Variants in WDR59 observed in about 807,000 individuals in gnomAD.
WDR59 encodes the protein WD repeat domain 59.
Under a neutral mutation model 131.2 loss-of-function variants are expected in WDR59, and 100 were observed. The observed-to-expected ratio is 0.76, with a 90% CI of 0.65 to 0.90. The LOEUF (loss-of-function observed/expected upper bound fraction) is 0.90. Ranked by LOEUF, WDR59 falls within the 40% of genes least tolerant of loss-of-function variation. The pLI is 0.00. For synonymous variants in WDR59, 601 were observed against 466.2 expected (o/e 1.29, Z -3.72); for missense variants, 1,203 against 1,262.2 (o/e 0.95, Z 0.71).
chr16:74,923,047 T>C (rs554797710), intron 9 of WDR59, among the ~76,000 whole-genome samples: 2 of 152,338 alleles, frequency 1.3e-5, no homozygotes, highest in East Asian at 1.9e-4. Context: ...CCCACTCTAT[T>C]TGTAGCATTT....
chr16:74,895,623 A>C (rs908957721), intron 18 of WDR59, among the ~76,000 whole-genome samples: 1 of 152,200 alleles, frequency 6.6e-6, no homozygotes. Context: ...CCAAGTCATT[A>C]TTCTGCAATA....
intron 1 of WDR59, among the ~76,000 whole-genome samples, chr16:74,971,152 T>G (rs1220046231): frequency 6.6e-6 from 1 of 152,138 alleles, no homozygotes; most frequent in Admixed American, 6.6e-5. Context: ...TGAGAATATT[T>G]TTGGTGGTTT....
At chr16:74,926,145 C>T (rs530268306) in intron 8 of WDR59, among the ~76,000 whole-genome samples, 61 of 147,586 alleles carry the variant, frequency 4.1e-4, no homozygotes, top group African/African-American at 1.3e-3. Flanking sequence ...CTGCAACCTC[C>T]GCCTCCCAGG....
intron 17 of WDR59, among the ~76,000 whole-genome samples, chr16:74,906,313 C>CATAAAAAAAAAAA (rs1555554986): frequency 3.1e-5 from 1 of 32,460 alleles, no homozygotes; most frequent in Non-Finnish European, 5.3e-5. Flanking sequence ...GACTCCGTCT[C>CATAAAAAAAAAAA]AAAAAAAAAA....
chr16:74,881,649 T>A (rs1462685215), intron 25 of WDR59, among the ~76,000 whole-genome samples: 1 of 151,732 alleles, frequency 6.6e-6, no homozygotes, highest in African/African-American at 2.4e-5. Flanking sequence ...CCCAGGTGGG[T>A]GGATCACAAG....
intron 6 of WDR59, among the ~76,000 whole-genome samples, chr16:74,947,509 C>G (rs1299234780): frequency 6.6e-6 from 1 of 152,070 alleles, no homozygotes; most frequent in Non-Finnish European, 1.5e-5. Context: ...GAGAAGGAGA[C>G]AGACTTAAAA....
At chr16:74,938,016 G>A (rs1218252720) in intron 8 of WDR59, 134 bp downstream of exon 8, 2 of 578,594 alleles carry the variant, frequency 3.5e-6, no homozygotes, top group East Asian at 6.3e-5. Flanking sequence ...TATGTGTTCA[G>A]TTGCCCAAGA....
At position 74,959,527 on chromosome 16, in the gene WDR59, C is replaced by T. The variant is rs1013523884; in HGVS notation, c.105-2917G>A. The T allele has an allele frequency of 8.8e-6, 4 of 453,520 alleles. No individual in the cohort carries two copies. The Admixed American group carries it at 9.5e-5, about 11-fold the overall frequency. 28.1% of individuals were successfully genotyped at this position (453,520 alleles called of 1,614,324 possible). ...ACACTGGAACTCTTAGTGCTGCAGG[C>T]CGAGGCAGAAGCATCGCTTGAGGCC... On this transcript the variant is annotated intron_variant, in intron 2 of 25. Transcript: ENST00000262144.
intron 18 of WDR59, among the ~76,000 whole-genome samples, chr16:74,901,352 G>A (rs1304094662): frequency 6.6e-6 from 1 of 151,778 alleles, no homozygotes; most frequent in Non-Finnish European, 1.5e-5. Context: ...CTCATTTAAA[G>A]CTCTCAGGGG....
intron 8 of WDR59, among the ~76,000 whole-genome samples, chr16:74,932,906 T>G (rs1414362704): frequency 6.6e-6 from 1 of 152,248 alleles, no homozygotes; most frequent in Non-Finnish European, 1.5e-5. Flanking sequence ...TATCTATGAT[T>G]GTAAGAGGAT....
chr16:74,978,516 A>G (rs1301423595), intron 1 of WDR59, among the ~76,000 whole-genome samples: 1 of 152,134 alleles, frequency 6.6e-6, no homozygotes, highest in Non-Finnish European at 1.5e-5. Flanking sequence ...AAAACAAAAC[A>G]AAAATGAAAG....
At chr16:74,929,145 G>A (rs549944502) in intron 8 of WDR59, among the ~76,000 whole-genome samples, 2 of 152,206 alleles carry the variant, frequency 1.3e-5, no homozygotes, top group East Asian at 1.9e-4. Flanking sequence ...TACAATCTCC[G>A]CTCACGGCAA....
At chr16:74,914,642 G>C (rs1966271753) in intron 13 of WDR59, among the ~76,000 whole-genome samples, 1 of 151,282 alleles carries the variant, frequency 6.6e-6, no homozygotes, top group Non-Finnish European at 1.5e-5. Context: ...CGCCAGGCTG[G>C]AGTGTAGTGG....
At chr16:74,965,459 C>T (rs1030698535) in intron 2 of WDR59, among the ~76,000 whole-genome samples, 5 of 152,166 alleles carry the variant, frequency 3.3e-5, no homozygotes, top group Non-Finnish European at 5.9e-5. Flanking sequence ...ACCTGCTTCA[C>T]CAAAATAGAT....
intron 25 of WDR59, among the ~76,000 whole-genome samples, chr16:74,878,652 C>G (rs1009412145): frequency 2.0e-5 from 3 of 151,782 alleles, no homozygotes; most frequent in African/African-American, 4.9e-5. Context: ...TTCCCACCCC[C>G]TCGCCAAAAA....
intron 19 of WDR59, among the ~76,000 whole-genome samples, chr16:74,893,151 T>G (rs1392033687): frequency 1.3e-5 from 2 of 152,084 alleles, no homozygotes; most frequent in Non-Finnish European, 2.9e-5. Context: ...GTGACACCAG[T>G]GAATATTGAT....
At chr16:74,978,179 C>T (rs370385971) in intron 1 of WDR59, among the ~76,000 whole-genome samples, 2 of 152,090 alleles carry the variant, frequency 1.3e-5, no homozygotes, top group African/African-American at 4.8e-5. Flanking sequence ...GATGGTTAGC[C>T]AGGCGTGGTG....
At chr16:74,910,600 TCA>T (rs1424397376) in intron 14 of WDR59, among the ~76,000 whole-genome samples, 3 of 152,196 alleles carry the variant, frequency 2.0e-5, no homozygotes, top group African/African-American at 7.2e-5. Flanking sequence ...GAAATTGCTC[TCA>T]GTGACAAGAG....
intron 1 of WDR59, among the ~76,000 whole-genome samples, chr16:74,981,660 A>ATTTTTTTTTTTTTTTTTTTTTTTT (rs1181233727): frequency 1.2e-5 from 1 of 80,864 alleles, no homozygotes; most frequent in African/African-American, 7.4e-5. Flanking sequence ...ATATATATAT[A>ATTTTTTTTTTTTTTTTTTTTTTTT]TTTTTTTTTT....
Sources: gnomAD v4.1 joint callset for allele counts (sites outside exome capture counted in the v4.1 genomes callset) on GRCh38, gnomAD v4.1.1 for gene constraint, MANE v1.5 for transcripts, NCBI Gene and HGNC (gene_info 2026-07-23, HGNC 2026-07-21) for gene names.